HTR2C: variants seen among roughly 807,000 people sequenced by gnomAD.
The protein encoded by HTR2C is 5-hydroxytryptamine receptor 2C, also known as 5-hydroxytryptamine (serotonin) receptor 2C, G protein-coupled.
A neutral mutation model predicts 21.0 loss-of-function variants in HTR2C; 5 were observed. The observed-to-expected ratio is 0.24, with a 90% CI of 0.12 to 0.50. The LOEUF is 0.50. Among genes scored for constraint, HTR2C ranks in the 20% least tolerant of loss-of-function variants. The pLI is 0.98. For missense variants in HTR2C, 271 were observed against 371.2 expected, an observed-to-expected ratio of 0.73 and a Z score of 2.22; for synonymous variants, 150 against 145.3, an observed-to-expected ratio of 1.03 and a Z score of -0.23.
intron 4 of HTR2C, among the ~76,000 whole-genome samples, chrX:114,766,642 C>T (rs1196222352): frequency 2.7e-5 from 3 of 111,291 alleles, no homozygotes; most frequent in Admixed American, 9.6e-5. Context: ...CTTAATTGTT[C>T]GCATTTTTCT....
chrX:114,896,536 G>T (rs1279779443), intron 5 of HTR2C, among the ~76,000 whole-genome samples: 1 of 111,972 alleles, frequency 8.9e-6, no homozygotes, highest in African/African-American at 3.2e-5. Context: ...GTCACTGGGG[G>T]AAACACATTT....
chrX:114,630,920 C>T (rs1442889857), intron 2 of HTR2C: 6 of 353,850 alleles, frequency 1.7e-5, no homozygotes, highest in African/African-American at 1.5e-4. Context: ...CAGCTGGGTA[C>T]ATATCTCCTG....
At chrX:114,701,891 G>A (rs1932522784) in intron 2 of HTR2C, among the ~76,000 whole-genome samples, 1 of 112,200 alleles carries the variant, frequency 8.9e-6, no homozygotes, top group South Asian at 3.7e-4. Context: ...GAAAGCCAAG[G>A]CTCAAGAACT....
chrX:114,706,849 A>C (rs1323444486), intron 2 of HTR2C, among the ~76,000 whole-genome samples: 1 of 111,419 alleles, frequency 9.0e-6, no homozygotes, highest in Non-Finnish European at 1.9e-5. Context: ...GCTAAAATCT[A>C]TTGCTTTTGG....
intron 2 of HTR2C, among the ~76,000 whole-genome samples, chrX:114,709,973 C>T (rs1198008502): frequency 3.6e-5 from 4 of 111,579 alleles, no homozygotes; most frequent in African/African-American, 1.3e-4. Flanking sequence ...ACTGATCATC[C>T]GTGACTCTTC....
chrX:114,661,737 A>G (rs1354498248), intron 2 of HTR2C, among the ~76,000 whole-genome samples: 3 of 111,332 alleles, frequency 2.7e-5, no homozygotes, highest in Non-Finnish European at 5.7e-5. Flanking sequence ...TGGCGTCCAG[A>G]GATCTCAAAT....
intron 2 of HTR2C, among the ~76,000 whole-genome samples, chrX:114,633,643 A>G (rs886172895): frequency 1.5e-4 from 17 of 111,458 alleles, no homozygotes; most frequent in African/African-American, 5.5e-4. Flanking sequence ...CATTTGTTAA[A>G]TATCTGAACA....
intron 4 of HTR2C, chrX:114,823,436 C>A: frequency 2.9e-6 from 1 of 343,500 alleles, no homozygotes. Context: ...CATGGTGCAG[C>A]AGTTCATCTT....
intron 2 of HTR2C, among the ~76,000 whole-genome samples, chrX:114,710,334 G>T (rs983913415): frequency 9.0e-6 from 1 of 111,426 alleles, no homozygotes; most frequent in Non-Finnish European, 1.9e-5. Flanking sequence ...GCTCATGAGA[G>T]TATGCTTATT....
chrX:114,833,355 T>C (rs1369021153), intron 4 of HTR2C, among the ~76,000 whole-genome samples: 1 of 107,503 alleles, frequency 9.3e-6, no homozygotes, highest in Non-Finnish European at 1.9e-5. Context: ...TGGTAAACTA[T>C]TGATTATTGC....
intron 2 of HTR2C, among the ~76,000 whole-genome samples, chrX:114,709,462 A>C (rs1932859361): frequency 8.9e-6 from 1 of 112,133 alleles, no homozygotes; most frequent in African/African-American, 3.2e-5. Flanking sequence ...TCCTCTAGTC[A>C]TGGAAGTGTT....
intron 4 of HTR2C, among the ~76,000 whole-genome samples, chrX:114,737,371 C>T (rs1479727904): frequency 1.8e-5 from 2 of 109,333 alleles, no homozygotes; most frequent in Non-Finnish European, 3.8e-5. Flanking sequence ...GGATTACACA[C>T]GTGCACCGCC....
At chrX:114,904,640 G>A (rs2071358756) in intron 5 of HTR2C, among the ~76,000 whole-genome samples, 1 of 111,487 alleles carries the variant, frequency 9.0e-6, no homozygotes, top group African/African-American at 3.3e-5. Flanking sequence ...GATCTTTTAA[G>A]TATCTCTTAA....
chrX:114,886,265 A>G (rs1224262963), intron 5 of HTR2C, among the ~76,000 whole-genome samples: 1 of 110,911 alleles, frequency 9.0e-6, no homozygotes, highest in Non-Finnish European at 1.9e-5. Context: ...CCTCCTGTGT[A>G]CAGCATTAGT....
intron 2 of HTR2C, among the ~76,000 whole-genome samples, chrX:114,638,174 G>C (rs985680717): frequency 1.7e-4 from 19 of 111,907 alleles, no homozygotes; most frequent in African/African-American, 6.2e-4. Context: ...TTTCCTCTCA[G>C]ATGAGCTAGT....
chrX:114,585,255 T>TAACA (rs2147784164), intron 1 of HTR2C, among the ~76,000 whole-genome samples: 1 of 111,304 alleles, frequency 9.0e-6, no homozygotes, highest in Admixed American at 9.5e-5. Flanking sequence ...TCTGGGGAGA[T>TAACA]AACACACTGC....
intron 4 of HTR2C, among the ~76,000 whole-genome samples, chrX:114,835,283 T>C (rs1172974208): frequency 2.0e-5 from 2 of 102,281 alleles, no homozygotes; most frequent in African/African-American, 7.0e-5. Context: ...TTCTCCTGGA[T>C]AATATCCTGC....
At chrX:114,687,465 T>C (rs1263516525) in intron 2 of HTR2C, among the ~76,000 whole-genome samples, 2 of 112,173 alleles carry the variant, frequency 1.8e-5, no homozygotes, top group African/African-American at 3.2e-5. Context: ...ATCTAGTCTT[T>C]AAAAATATTT....
chrX:114,848,008 G>A lies in HTR2C; in HGVS notation c.355G>A (p.Val119Ile), dbSNP rs370132062. 17 of 1,200,303 alleles carry A rather than the reference G, an allele frequency of 1.4e-5. No individual in the cohort carries two copies. The highest frequency in any genetic ancestry group is 3.5e-5 in the African/African-American group (2 of 57,124). ...TTCTCTCTGTTCTCTTTCAGATTAT[G>A]TCTGGCCACTACCTAGATATTTGTG... ...LSLLAILYDY[V>I]WPLPRYLCPV... Residue 119 changes from valine to isoleucine, a missense_variant, in exon 5 of 6, where the codon GTC becomes ATC. By Grantham distance (29) the Val-to-Ile change is conservative (BLOSUM62 3). This residue lies in a region of HTR2C where 16 missense variants were observed against 19.2 expected (regional missense o/e 0.83). Coordinates refer to ENST00000276198, the MANE Select transcript of HTR2C (RefSeq NM_000868.4).
Sources: gnomAD v4.1 joint callset for allele counts (sites outside exome capture counted in the v4.1 genomes callset) on GRCh38, gnomAD v4.1.1 for gene constraint, gnomAD v4.1.1 regional missense constraint, MANE v1.5 for transcripts, NCBI Gene and HGNC (gene_info 2026-07-23, HGNC 2026-07-21) for gene names.